The following CAMSAP1 variants were observed in gnomAD, a reference collection of about 807,000 sequenced individuals.
CAMSAP1 encodes the protein calmodulin-regulated spectrin-associated protein 1.
In CAMSAP1, 58 loss-of-function variants were observed where a neutral mutation model predicts 143.5. That is an observed-to-expected ratio of 0.40 (90% CI 0.33 to 0.50). The LOEUF (loss-of-function observed/expected upper bound fraction) is 0.50, where lower values mean the gene tolerates loss of function less well. Ranked by LOEUF, CAMSAP1 falls within the 20% of genes least tolerant of loss-of-function variation. The pLI is 0.45. For missense variants in CAMSAP1, 1,969 were observed against 2,115.7 expected (o/e 0.93, Z 1.36); for synonymous variants, 945 against 859.3 (o/e 1.10, Z -1.74).
chr9:135,883,887 C>G (rs1247825172), intron 1 of CAMSAP1, among the ~76,000 whole-genome samples: 10 of 152,216 alleles, frequency 6.6e-5, no homozygotes, highest in African/African-American at 2.4e-4. Context: ...CTACTGTATA[C>G]TTCCGGCTGC....
At chr9:135,829,949 C>A (rs948907471) in intron 7 of CAMSAP1, among the ~76,000 whole-genome samples, 1 of 152,004 alleles carries the variant, frequency 6.6e-6, no homozygotes. Context: ...AACTGCACAT[C>A]ATGTAGAGGA....
At chr9:135,866,423 G>T in intron 4 of CAMSAP1, 33 bp downstream of exon 4, 2 of 1,024,122 alleles carry the variant, frequency 2.0e-6, no homozygotes, top group Non-Finnish European at 3.0e-6. Flanking sequence ...CATTAACTTA[G>T]TGCATTCCAG....
rs371188838 is a variant in CAMSAP1 at position 135,891,404 on chromosome 9, G to A, written c.161-8326C>T. ...GAGAGGGATCCCCAGAGACGTGTATGAGCCTGCAAGATCTGGGCTTACTCC... is the reference window on the plus strand; with the variant it reads ...GAGAGGGATCCCCAGAGACGTGTATAAGCCTGCAAGATCTGGGCTTACTCC... On this transcript the variant is annotated intron_variant, in intron 1 of 16. Coordinates refer to ENST00000389532, the MANE Select transcript of CAMSAP1 (RefSeq NM_015447.4). 2.6e-5 allele frequency among the ~76,000 whole-genome samples: 4 copies of A among 152,318 alleles called. No homozygotes were observed. The South Asian group carries it at 6.2e-4, about 24-fold the overall frequency.
At chr9:135,887,532 C>T (rs139639635) in intron 1 of CAMSAP1, among the ~76,000 whole-genome samples, 1 of 152,242 alleles carries the variant, frequency 6.6e-6, no homozygotes, top group South Asian at 2.1e-4. Context: ...ATGGGAGAGG[C>T]TGAAGAGGAG....
intron 4 of CAMSAP1, chr9:135,865,272 GC>G (rs1837334914): frequency 6.6e-7 from 1 of 1,513,942 alleles, no homozygotes; most frequent in Non-Finnish European, 9.0e-7. Context: ...TTTAATGGAA[GC>G]AAGTGATCGC....
chr9:135,859,851 C>T (rs927380960), intron 5 of CAMSAP1, among the ~76,000 whole-genome samples: 10 of 152,092 alleles, frequency 6.6e-5, no homozygotes, highest in African/African-American at 2.4e-4. Context: ...AACAGACATA[C>T]AGGGCAGGCT....
In CAMSAP1 at chr9:135,836,528, CCACA is replaced by C. The variant is rs916200990; in HGVS notation, c.1046-8948_1046-8945del. The C allele has an allele frequency of 3.1e-6, 3 of 982,092 alleles. No homozygotes were observed. The East Asian group carries it at 3.5e-4, about 114-fold the overall frequency. 60.8% of individuals were successfully genotyped at this position (982,092 alleles called of 1,614,324 possible). A position where few individuals can be genotyped will look rare whatever the true frequency, so the allele number is the denominator to read the frequency against. On this transcript the variant is annotated intron_variant, in intron 7 of 16. Coordinates refer to ENST00000389532, the MANE Select transcript of CAMSAP1 (RefSeq NM_015447.4). ...CACGCACTTTCCACCCATTCCGCAG[CCACA>C]CAGTCATGTACCTTCTACCCCGTTC... is the stretch of plus-strand genomic sequence containing the variant.
At position 135,883,062 on chromosome 9, in the gene CAMSAP1, G is replaced by C. The variant is rs768140168; in HGVS notation, c.177C>G (p.Asp59Glu). 9.0e-6 allele frequency: 14 copies of C among 1,551,708 alleles called. No individual in the cohort carries two copies. Among genetic ancestry groups the C allele is most frequent in the Non-Finnish European group, 1.2e-5 (14 of 1,146,992 alleles). Residue 59 changes from aspartate to glutamate, a missense_variant, in exon 2 of 17, where the codon GAC (aspartate) becomes GAG (glutamate). Physicochemically the swap from Asp to Glu is conservative, Grantham distance 45. Around this residue, in one of 4 missense-constraint regions of CAMSAP1, gnomAD observed 215 missense variants for 196.2 expected, o/e 1.10. Transcript: ENST00000389532. ...GGTCAACGTAGAAAGGGTCTCTGAGGTCCTCAGGGATGTTATCTAAGACAG... is the reference window on the plus strand; with the variant it reads ...GGTCAACGTAGAAAGGGTCTCTGAGCTCCTCAGGGATGTTATCTAAGACAG... The part of the protein sequence containing the change: ...KAYGRDNIPE[D>E]LRDPFYVDQY...
At chr9:135,852,811 AAAAT>A (rs906972916) in intron 5 of CAMSAP1, among the ~76,000 whole-genome samples, 1 of 152,236 alleles carries the variant, frequency 6.6e-6, no homozygotes, top group African/African-American at 2.4e-5. Flanking sequence ...TTTAAGCAAC[AAAAT>A]AAATAATGAA....
rs561816140 is a variant in CAMSAP1, at chr9:135,886,516, C to T, written c.161-3438G>A. On this transcript the variant is annotated intron_variant, in intron 1 of 16. Transcript: ENST00000389532. ...AGCAAGTGACAGCAGTTCAGAATTG[C>T]GCGGAAGAGGCAAACTGGATGTTTC... is the stretch of plus-strand genomic sequence containing the variant. 1.2e-4 allele frequency among the ~76,000 whole-genome samples: 18 copies of T among 152,266 alleles called. No homozygotes were observed. The South Asian group carries it at 3.7e-3, about 32-fold the overall frequency.
rs898718781 is a variant in CAMSAP1 at position 135,883,222 on chromosome 9, T to C, written c.161-144A>G. On this transcript the variant is annotated intron_variant, in intron 1 of 16. Coordinates refer to ENST00000389532, the MANE Select transcript of CAMSAP1 (RefSeq NM_015447.4). ...CCAAGTGTCAAAAAAAATAATTGAT[T>C]GATTGATTAAATGAGCAACTAACAA... 10 of 854,208 alleles carry C rather than the reference T, an allele frequency of 1.2e-5. No homozygotes were observed. The Admixed American group carries it at 2.3e-4, about 19-fold the overall frequency. The allele number at this position is 854,208 out of a possible 1,614,324, so 52.9% of individuals were successfully genotyped here.
At position 135,811,569 on chromosome 9, in the gene CAMSAP1, G is replaced by A. The variant is rs770735575; in HGVS notation, c.4549C>T (p.Arg1517Cys). Residue 1517 changes from arginine (R) to cysteine (C), a missense_variant, in exon 17 of 17, where the codon CGT (arginine) becomes TGT (cysteine). Physicochemically the swap from Arg to Cys is radical, Grantham distance 180. Coordinates refer to ENST00000389532, the MANE Select transcript of CAMSAP1 (RefSeq NM_015447.4). The surrounding 1 kb of genome is among the most constrained non-coding windows in gnomAD (Gnocchi z 4.9). ...GCCCTGAACTGGCAGCCAGCATCAC[G>A]AAACAGTATGATGTAGTGATTGGCA... ...CDANHYIILFRDAGCQFRALY... is the reference protein window; with the variant it reads ...CDANHYIILFCDAGCQFRALY... The A allele has an allele frequency of 3.1e-6, 5 of 1,599,198 alleles. No homozygotes were observed. Among genetic ancestry groups the A allele is most frequent in the Non-Finnish European group, 4.3e-6 (5 of 1,172,564 alleles).
At position 135,881,937 on chromosome 9, in the gene CAMSAP1, G is replaced by A. The variant is rs571362275; in HGVS notation, c.424-143C>T. The A allele has an allele frequency of 6.2e-5, 62 of 1,004,912 alleles. No individual in the cohort carries two copies. The South Asian group carries it at 1.0e-3, about 16-fold the overall frequency. 62.2% of individuals were successfully genotyped at this position (1,004,912 alleles called of 1,614,324 possible). On this transcript the variant is annotated intron_variant, in intron 2 of 16. Coordinates refer to ENST00000389532, the MANE Select transcript of CAMSAP1 (RefSeq NM_015447.4). ...CGTCTGAAGAGATACTCAGATTTGA[G>A]ACCTGCCTCCCCCGCACCATCACTG... is the stretch of plus-strand genomic sequence containing the variant.
chr9:135,838,159 TCACGCACTTTCCACCCGTTCTACAGA>T (rs1328507807), intron 7 of CAMSAP1, among the ~76,000 whole-genome samples: 1 of 147,856 alleles, frequency 6.8e-6, no homozygotes, highest in Non-Finnish European at 1.5e-5. Flanking sequence ...ACACACGTCA[TCACGCACTTTCCACCCGTTCTACAGA>T]CACACGTCAT....
chr9:135,885,693 G>C (rs7857109), intron 1 of CAMSAP1, among the ~76,000 whole-genome samples: 1 of 152,182 alleles, frequency 6.6e-6, no homozygotes, highest in Non-Finnish European at 1.5e-5. Flanking sequence ...TCAATATAAA[G>C]TGATTCATAT....
chr9:135,855,367 C>T (rs1836920915), intron 5 of CAMSAP1, among the ~76,000 whole-genome samples: 1 of 152,176 alleles, frequency 6.6e-6, no homozygotes, highest in African/African-American at 2.4e-5. Flanking sequence ...AGGATAATGG[C>T]TTCCAGCTCC....
At position 135,855,774 on chromosome 9, in the gene CAMSAP1, C is replaced by T. The variant is rs796673052; in HGVS notation, c.809-5313G>A. On this transcript the variant is annotated intron_variant, in intron 5 of 16. Coordinates refer to ENST00000389532, the MANE Select transcript of CAMSAP1 (RefSeq NM_015447.4). Reference sequence around the variant, plus strand: ...AAAAAAAAAAAAAAAAAAAAAAGGCCGGGTGCGGTGGCTCACGCCTGTAAT... The same window carrying T: ...AAAAAAAAAAAAAAAAAAAAAAGGCTGGGTGCGGTGGCTCACGCCTGTAAT... Among the ~76,000 whole-genome samples, 1,177 of 144,280 alleles carry T rather than the reference C, an allele frequency of 8.2e-3. 24 individuals carry two copies. Among genetic ancestry groups the T allele is most frequent in the African/African-American group, 0.029 (1,121 of 38,706 alleles). The allele number at this position is 144,280 out of a possible 152,430, so 94.7% of individuals were successfully genotyped here.
At chr9:135,884,151 C>T (rs1838050268) in intron 1 of CAMSAP1, among the ~76,000 whole-genome samples, 1 of 152,174 alleles carries the variant, frequency 6.6e-6, no homozygotes, top group African/African-American at 2.4e-5. Flanking sequence ...TGCAGATACT[C>T]CCACCTCCAC....
chr9:135,817,514 C>T (rs1160581899), intron 14 of CAMSAP1, among the ~76,000 whole-genome samples: 3 of 152,092 alleles, frequency 2.0e-5, no homozygotes, highest in Non-Finnish European at 4.4e-5. Flanking sequence ...ACCTCAGCCT[C>T]CCAAGTAGCT....
Sources: allele counts gnomAD v4.1 joint callset (sites outside exome capture counted in the v4.1 genomes callset), GRCh38; gene constraint gnomAD v4.1.1; regional missense constraint gnomAD v4.1.1; non-coding constraint Gnocchi (gnomAD v3.1); transcripts MANE v1.5; gene names NCBI Gene and HGNC (gene_info 2026-07-23, HGNC 2026-07-21).